CHKA: variants seen among roughly 807,000 people sequenced by gnomAD.
CHKA encodes CHETK-alpha.
Under a neutral mutation model 60.1 loss-of-function variants are expected in CHKA, and 34 were observed. The ratio of observed to expected loss-of-function variants is 0.57; its 90% CI spans 0.43 to 0.75. CHKA has a LOEUF of 0.75. Ranked by LOEUF, CHKA falls within the 30% of genes least tolerant of loss-of-function variation. The pLI, the probability that CHKA is intolerant of heterozygous loss-of-function variation, is 0.00. For missense variants in CHKA, 563 were observed against 561.3 expected (o/e 1.00, Z -0.03); for synonymous variants, 217 against 223.1 (o/e 0.97, Z 0.24).
chr11:68,102,355 AACAG>A (rs931133981), intron 1 of CHKA, among the ~76,000 whole-genome samples: 5 of 152,182 alleles, frequency 3.3e-5, no homozygotes, highest in African/African-American at 7.2e-5. Flanking sequence ...TTGGCATAAA[AACAG>A]ACAGAGACCA....
chr11:68,057,737 G>A (rs971225626), intron 11 of CHKA, among the ~76,000 whole-genome samples: 5 of 152,188 alleles, frequency 3.3e-5, no homozygotes, highest in Non-Finnish European at 7.3e-5. Context: ...ATCAGGTTCA[G>A]TTTTTTCTCC....
chr11:68,068,529 T>C (rs1856515333), intron 7 of CHKA, among the ~76,000 whole-genome samples: 2 of 152,082 alleles, frequency 1.3e-5, no homozygotes, highest in African/African-American at 4.8e-5. Flanking sequence ...GCCATCCTCC[T>C]GCCTCAGCTT....
At chr11:68,066,333 C>T (rs577953974) in intron 8 of CHKA, 96 bp downstream of exon 8, 111 of 1,030,814 alleles carry the variant, frequency 1.1e-4, no homozygotes, top group African/African-American at 3.3e-4. Flanking sequence ...CAACTCAGAG[C>T]GGCATTTTGA....
chr11:68,055,428 T>G (rs1041632805), intron 11 of CHKA, among the ~76,000 whole-genome samples: 2 of 152,146 alleles, frequency 1.3e-5, no homozygotes, highest in Non-Finnish European at 2.9e-5. Flanking sequence ...CTATGAGTGT[T>G]TGAGTGCAAG....
chr11:68,087,737 T>C (rs1716670506), intron 2 of CHKA, among the ~76,000 whole-genome samples: 1 of 152,228 alleles, frequency 6.6e-6, no homozygotes, highest in South Asian at 2.1e-4. Context: ...TTCAGCTTAC[T>C]GTCTCTTTTA....
intron 1 of CHKA, among the ~76,000 whole-genome samples, chr11:68,114,711 AAAG>A (rs1307837893): frequency 1.6e-4 from 24 of 152,100 alleles, no homozygotes; most frequent in African/African-American, 2.2e-4. Flanking sequence ...AAAAAAAAAA[AAAG>A]AAGAAGAAAA....
intron 1 of CHKA, among the ~76,000 whole-genome samples, chr11:68,107,273 T>C (rs1051585295): frequency 2.0e-5 from 3 of 151,894 alleles, no homozygotes; most frequent in African/African-American, 7.3e-5. Flanking sequence ...TGTTCAAACA[T>C]TACCAAATGG....
intron 1 of CHKA, among the ~76,000 whole-genome samples, chr11:68,103,987 A>T (rs1437232001): frequency 2.0e-5 from 3 of 152,178 alleles, no homozygotes; most frequent in Non-Finnish European, 4.4e-5. Flanking sequence ...TACTGGTAAT[A>T]CATCCAGAGG....
At chr11:68,096,300 G>A (rs1483836899) in intron 2 of CHKA, among the ~76,000 whole-genome samples, 3 of 152,146 alleles carry the variant, frequency 2.0e-5, no homozygotes, top group Non-Finnish European at 4.4e-5. Context: ...GGCAGAGGTT[G>A]CAGTGAGCTG....
At chr11:68,073,192 G>C (rs138500519) in intron 4 of CHKA, among the ~76,000 whole-genome samples, 173 of 152,100 alleles carry the variant, frequency 1.1e-3, no homozygotes, top group African/African-American at 3.7e-3. Context: ...TTTACTACAT[G>C]TGCACATATT....
At chr11:68,081,836 C>T (rs1208569101) in intron 2 of CHKA, 11 of 170,438 alleles carry the variant, frequency 6.5e-5, no homozygotes, top group Non-Finnish European at 3.8e-5. Context: ...CTACGTGGTT[C>T]TCTCAAGTCA....
intron 3 of CHKA, among the ~76,000 whole-genome samples, chr11:68,078,480 A>G (rs1856862171): frequency 6.6e-6 from 1 of 152,214 alleles, no homozygotes; most frequent in Non-Finnish European, 1.5e-5. Flanking sequence ...TGATGGGTGG[A>G]CAGATGTCAG....
At chr11:68,110,890 C>T (rs1002372115) in intron 1 of CHKA, among the ~76,000 whole-genome samples, 11 of 149,848 alleles carry the variant, frequency 7.3e-5, no homozygotes, top group Admixed American at 4.7e-4. Context: ...CCCAGCTACT[C>T]GGGAGGCTGA....
chr11:68,120,812 A>G lies in CHKA; in HGVS notation c.350+16T>C. 1.7e-6 allele frequency: 2 copies of G among 1,208,344 alleles called. No individual in the cohort carries two copies. Among genetic ancestry groups the G allele is most frequent in the South Asian group, 2.2e-5 (1 of 45,766 alleles). The allele number at this position is 1,208,344 out of a possible 1,614,324, so 74.9% of individuals were successfully genotyped here. On this transcript the variant is annotated intron_variant, in intron 1 of 11. Transcript: ENST00000265689. ...CACCTGACTGTCCCGCGGCCCCCAG[A>G]CCCGGCGCCACCGACCTGATGACAC...
intron 11 of CHKA, among the ~76,000 whole-genome samples, chr11:68,054,687 G>T (rs1855940274): frequency 6.6e-6 from 1 of 152,146 alleles, no homozygotes; most frequent in African/African-American, 2.4e-5. Flanking sequence ...AATTAACTGA[G>T]CTGTAATTTC....
At chr11:68,102,467 A>G (rs1857761723) in intron 1 of CHKA, among the ~76,000 whole-genome samples, 2 of 152,250 alleles carry the variant, frequency 1.3e-5, no homozygotes, top group South Asian at 2.1e-4. Context: ...CAGTCTCTTC[A>G]ATAAACAGTG....
chr11:68,106,811 C>T (rs906075602), intron 1 of CHKA, among the ~76,000 whole-genome samples: 4 of 152,198 alleles, frequency 2.6e-5, no homozygotes, highest in African/African-American at 9.7e-5. Flanking sequence ...TCTACTCCAG[C>T]ACGGCTCAGC....
At chr11:68,092,222 T>TG in intron 2 of CHKA, among the ~76,000 whole-genome samples, 1 of 152,336 alleles carries the variant, frequency 6.6e-6, no homozygotes, top group Non-Finnish European at 1.5e-5. Context: ...GATTTATTAT[T>TG]GGGGGCTCTG....
chr11:68,083,409 T>C (rs1454269667), intron 2 of CHKA, among the ~76,000 whole-genome samples: 1 of 152,204 alleles, frequency 6.6e-6, no homozygotes, highest in Non-Finnish European at 1.5e-5. Context: ...ATTAATACTT[T>C]GCAGTATAAG....
Sources: gnomAD v4.1 joint callset for allele counts (sites outside exome capture counted in the v4.1 genomes callset) on GRCh38, gnomAD v4.1.1 for gene constraint, MANE v1.5 for transcripts, NCBI Gene and HGNC (gene_info 2026-07-23, HGNC 2026-07-21) for gene names.